Variants in TMPRSS11E observed in about 807,000 individuals in gnomAD.
TMPRSS11E encodes the protein transmembrane serine protease 11E, also known as transmembrane protease serine 11E.
TMPRSS11E carries 38 observed loss-of-function variants against 48.1 expected under a neutral mutation model. The observed-to-expected ratio is 0.79, with a 90% confidence interval of 0.61 to 1.04. The LOEUF (loss-of-function observed/expected upper bound fraction) is 1.04, where lower values mean the gene tolerates loss of function less well. Among genes scored for constraint, TMPRSS11E ranks in the 50% least tolerant of loss-of-function variants. The pLI, the probability that TMPRSS11E is intolerant of heterozygous loss-of-function variation, is 0.00. For synonymous variants in TMPRSS11E, 158 were observed against 171.9 expected, an observed-to-expected ratio of 0.92 and a Z score of 0.63; for missense variants, 530 against 510.8, an observed-to-expected ratio of 1.04 and a Z score of -0.36.
intron 1 of TMPRSS11E, among the ~76,000 whole-genome samples, chr4:68,457,253 T>G (rs564558706): frequency 1.3e-5 from 2 of 152,134 alleles, no homozygotes; most frequent in Non-Finnish European, 2.9e-5. Context: ...GAACAGACAC[T>G]TCTCAAAAGA....
intron 5 of TMPRSS11E, among the ~76,000 whole-genome samples, chr4:68,474,400 C>G (rs1245261586): frequency 6.6e-6 from 1 of 152,084 alleles, no homozygotes; most frequent in East Asian, 1.9e-4. Flanking sequence ...TGTGGACTCT[C>G]TGCATCTTAT....
chr4:68,478,672 C>T (rs1271462052), intron 8 of TMPRSS11E, among the ~76,000 whole-genome samples, 177 bp from the exon 9 acceptor site: 1 of 151,806 alleles, frequency 6.6e-6, no homozygotes, highest in East Asian at 1.9e-4. Context: ...CCAAGCTGGT[C>T]TTGAACTCCT....
intron 2 of TMPRSS11E, among the ~76,000 whole-genome samples, chr4:68,465,945 T>A (rs1728915812): frequency 6.6e-6 from 1 of 152,088 alleles, no homozygotes; most frequent in South Asian, 2.1e-4. Flanking sequence ...AAAATGTGGG[T>A]TGCTTAAATT....
At chr4:68,455,926 A>AC (rs1213366171) in intron 1 of TMPRSS11E, among the ~76,000 whole-genome samples, 1 of 152,022 alleles carries the variant, frequency 6.6e-6, no homozygotes, top group Non-Finnish European at 1.5e-5. Flanking sequence ...AAGTCTATAA[A>AC]CCCATAACTA....
At chr4:68,474,827 T>C in intron 6 of TMPRSS11E, 66 bp downstream of exon 6, 1 of 1,351,660 alleles carries the variant, frequency 7.4e-7, no homozygotes. Flanking sequence ...ATAGGTCATT[T>C]AGGTTTACTT....
chr4:68,477,283 A>G, intron 7 of TMPRSS11E, 86 bp from the exon 8 acceptor site: 1 of 1,309,230 alleles, frequency 7.6e-7, no homozygotes, highest in African/African-American at 1.5e-5. Context: ...AAAAAAATCT[A>G]CACCTGTAGA....
intron 9 of TMPRSS11E, among the ~76,000 whole-genome samples, chr4:68,488,440 G>A (rs1216163480): frequency 6.6e-6 from 1 of 152,130 alleles, no homozygotes; most frequent in Non-Finnish European, 1.5e-5. Flanking sequence ...GATCTGTTCT[G>A]CTGTTAATAC....
chr4:68,488,760 C>T (rs531138055), intron 9 of TMPRSS11E, among the ~76,000 whole-genome samples: 3 of 152,080 alleles, frequency 2.0e-5, no homozygotes, highest in Admixed American at 6.5e-5. Context: ...AGGATGGTTT[C>T]GATCTCCTGA....
chr4:68,476,415 G>A lies in TMPRSS11E; in HGVS notation c.684G>A (p.Val228=). 2 of 1,613,316 alleles carry A rather than the reference G, an allele frequency of 1.2e-6. No individual in the cohort carries two copies. The highest frequency in any genetic ancestry group is 1.7e-6 in the Non-Finnish European group (2 of 1,179,468). ...CCTTAATTAATGCCACATGGCTTGTGAGTGCTGCTCACTGTTTTACAACGT... is the reference window on the plus strand; with the variant it reads ...CCTTAATTAATGCCACATGGCTTGTAAGTGCTGCTCACTGTTTTACAACGT... The part of the protein sequence containing the change: ...GATLINATWL[V]SAAHCFTTYK... Residue 228 remains valine, a synonymous_variant, in exon 7 of 10, where the codon GTG becomes GTA. Coordinates refer to ENST00000305363, the MANE Select transcript of TMPRSS11E (RefSeq NM_014058.4).
At chr4:68,450,778 T>C (rs1331357497) in intron 1 of TMPRSS11E, among the ~76,000 whole-genome samples, 1 of 151,988 alleles carries the variant, frequency 6.6e-6, no homozygotes, top group African/African-American at 2.4e-5. Context: ...ATCTATCTTT[T>C]CTGCACTGTT....
intron 1 of TMPRSS11E, among the ~76,000 whole-genome samples, chr4:68,455,943 T>A (rs1728617530): frequency 6.6e-6 from 1 of 152,010 alleles, no homozygotes; most frequent in Non-Finnish European, 1.5e-5. Context: ...ACTAATTACT[T>A]AATAATATCT....
intron 2 of TMPRSS11E, among the ~76,000 whole-genome samples, chr4:68,464,770 G>A (rs1728883085): frequency 6.6e-6 from 1 of 152,130 alleles, no homozygotes; most frequent in Non-Finnish European, 1.5e-5. Context: ...GGGTGTAGAA[G>A]GGTCTGTTAG....
rs373797171 is a variant in TMPRSS11E at position 68,476,308 on chromosome 4, G to C, written c.577G>C (p.Val193Leu). The part of the protein sequence containing the change: ...SKTLGQSLRI[V>L]GGTEVEEGEW... Reference sequence around the variant, plus strand: ...AACTCTAGGTCAGAGTCTCAGGATCGTTGGTGGGACAGAAGTAGAAGAGGG... The same window carrying C: ...AACTCTAGGTCAGAGTCTCAGGATCCTTGGTGGGACAGAAGTAGAAGAGGG... Residue 193 changes from valine to leucine, a missense_variant, in exon 7 of 10, where the codon GTT becomes CTT. Coordinates refer to ENST00000305363, the MANE Select transcript of TMPRSS11E (RefSeq NM_014058.4). 3.1e-6 allele frequency: 5 copies of C among 1,614,158 alleles called. No homozygotes were observed. The highest frequency in any genetic ancestry group is 4.2e-6 in the Non-Finnish European group (5 of 1,179,994).
At chr4:68,488,276 T>C (rs1729618813) in intron 9 of TMPRSS11E, among the ~76,000 whole-genome samples, 1 of 152,214 alleles carries the variant, frequency 6.6e-6, no homozygotes, top group South Asian at 2.1e-4. Flanking sequence ...TTGCTCTCTC[T>C]CTTTCCTTGG....
At chr4:68,465,053 A>T (rs958661862) in intron 2 of TMPRSS11E, among the ~76,000 whole-genome samples, 1 of 152,238 alleles carries the variant, frequency 6.6e-6, no homozygotes, top group African/African-American at 2.4e-5. Flanking sequence ...GTTTACAGAG[A>T]TAGTTATGAG....
At chr4:68,483,231 T>C (rs1384709868) in intron 9 of TMPRSS11E, among the ~76,000 whole-genome samples, 1 of 143,428 alleles carries the variant, frequency 7.0e-6, no homozygotes, top group African/African-American at 2.6e-5. Context: ...AGGAACATCA[T>C]GTGGTGAAAG....
At chr4:68,470,481 G>A (rs542896042) in intron 4 of TMPRSS11E, among the ~76,000 whole-genome samples, 2 of 151,952 alleles carry the variant, frequency 1.3e-5, no homozygotes, top group Admixed American at 6.6e-5. Flanking sequence ...TTCGTGTCCT[G>A]AAAATAGTGT....
intron 9 of TMPRSS11E, among the ~76,000 whole-genome samples, chr4:68,490,310 C>T (rs528495674): frequency 2.6e-5 from 4 of 152,110 alleles, no homozygotes; most frequent in Admixed American, 6.5e-5. Flanking sequence ...TGCGTCTGGT[C>T]GGCCATTTTG....
intron 7 of TMPRSS11E, among the ~76,000 whole-genome samples, chr4:68,477,042 G>GAGAC (rs1729239361): frequency 6.6e-6 from 1 of 152,070 alleles, no homozygotes; most frequent in African/African-American, 2.4e-5. Flanking sequence ...TGGGGTACAT[G>GAGAC]AGACACATAG....
Sources: allele counts gnomAD v4.1 joint callset (sites outside exome capture counted in the v4.1 genomes callset), GRCh38; gene constraint gnomAD v4.1.1; transcripts MANE v1.5; gene names NCBI Gene and HGNC (gene_info 2026-07-23, HGNC 2026-07-21).